The following DPYD variants were observed in gnomAD, a reference collection of about 807,000 sequenced individuals.
DPYD encodes dihydropyrimidine dehydrogenase [NADP(+)].
In DPYD, 109 loss-of-function variants were observed where a neutral mutation model predicts 116.2. The observed-to-expected ratio is 0.94, with a 90% CI of 0.80 to 1.10. The LOEUF is 1.10. Ranked by LOEUF, DPYD falls within the 50% of genes least tolerant of loss-of-function variation. The probability of loss-of-function intolerance (pLI) is 0.00; values close to 1 mark genes in which losing one functional copy is unlikely to be tolerated. For missense variants in DPYD, 1,302 were observed against 1,254.5 expected (o/e 1.04, Z -0.57); for synonymous variants, 440 against 432.0 (o/e 1.02, Z -0.23).
intron 7 of DPYD, among the ~76,000 whole-genome samples, chr1:97,683,318 C>T (rs2100927647): frequency 6.6e-6 from 1 of 151,920 alleles, no homozygotes; most frequent in East Asian, 1.9e-4. Flanking sequence ...TTTTCTAATA[C>T]TATCTCATAA....
At chr1:97,768,410 A>G (rs1238730878) in intron 3 of DPYD, among the ~76,000 whole-genome samples, 15 of 152,170 alleles carry the variant, frequency 9.9e-5, no homozygotes, top group Admixed American at 6.5e-4. Flanking sequence ...ACTTTTTTGC[A>G]AGCATTGCCC....
In DPYD at chr1:97,316,857, C is replaced by T. The variant is rs138681274; in HGVS notation, c.2059-10560G>A. Among the ~76,000 whole-genome samples the T allele has an allele frequency of 1.6e-3, 246 of 151,970 alleles. 1 individual carries two copies. The highest frequency in any genetic ancestry group is 5.4e-3 in the African/African-American group (225 of 41,502). On this transcript the variant is annotated intron_variant, in intron 16 of 22. Transcript: ENST00000370192. ...GACTTGTCTGTCACTTAGGGGCAGC[C>T]ATTCCTTTCTGCCTTATAATGTTTT...
At chr1:97,660,965 G>T (rs1659220742) in intron 8 of DPYD, among the ~76,000 whole-genome samples, 1 of 151,814 alleles carries the variant, frequency 6.6e-6, no homozygotes, top group African/African-American at 2.4e-5. Flanking sequence ...TTCTATATTA[G>T]GAAAACAAAA....
At chr1:97,770,841 A>C (rs1256071375) in intron 3 of DPYD, among the ~76,000 whole-genome samples, 1 of 152,202 alleles carries the variant, frequency 6.6e-6, no homozygotes, top group Non-Finnish European at 1.5e-5. Flanking sequence ...ATATGTGCAC[A>C]CATATACACA....
chr1:97,883,948 G>C, intron 1 of DPYD: 1 of 405,008 alleles, frequency 2.5e-6, no homozygotes, highest in South Asian at 2.0e-5. Flanking sequence ...AGTTCAGTAT[G>C]GGAAAATCCT....
At chr1:97,686,101 CA>C (rs1425735812) in intron 7 of DPYD, among the ~76,000 whole-genome samples, 1 of 152,036 alleles carries the variant, frequency 6.6e-6, no homozygotes, top group African/African-American at 2.4e-5. Context: ...CTGCAGTAAC[CA>C]AAACAGCATG....
chr1:97,571,073 G>T (rs1652862121), intron 11 of DPYD, among the ~76,000 whole-genome samples: 1 of 151,994 alleles, frequency 6.6e-6, no homozygotes, highest in Non-Finnish European at 1.5e-5. Context: ...CTTGAGGAAT[G>T]AATGCACGTA....
intron 10 of DPYD, 84 bp from the exon 11 acceptor site, chr1:97,574,054 T>C: frequency 1.3e-6 from 2 of 1,560,346 alleles, no homozygotes; most frequent in Non-Finnish European, 1.7e-6. Context: ...TTACACATGC[T>C]AAAGCTTATG....
intron 16 of DPYD, among the ~76,000 whole-genome samples, chr1:97,344,566 TTTACA>T (rs1170693558): frequency 1.3e-5 from 2 of 151,390 alleles, no homozygotes; most frequent in African/African-American, 4.8e-5. Flanking sequence ...TTTTTTTCTC[TTTACA>T]TTATATATAA....
At chr1:97,704,792 GA>G (rs1661825394) in intron 5 of DPYD, among the ~76,000 whole-genome samples, 2 of 151,798 alleles carry the variant, frequency 1.3e-5, no homozygotes, top group African/African-American at 4.8e-5. Flanking sequence ...TCCATCAACT[GA>G]CTAATATTCT....
intron 11 of DPYD, among the ~76,000 whole-genome samples, chr1:97,570,651 T>C (rs1303568085): frequency 6.6e-6 from 1 of 152,094 alleles, no homozygotes; most frequent in East Asian, 1.9e-4. Flanking sequence ...GGAGTACTAA[T>C]GGTACCATTT....
intron 12 of DPYD, among the ~76,000 whole-genome samples, chr1:97,542,348 A>C (rs1650508133): frequency 6.6e-6 from 1 of 152,188 alleles, no homozygotes; most frequent in Non-Finnish European, 1.5e-5. Flanking sequence ...TCTGTATAGA[A>C]GCAGAACAAC....
intron 2 of DPYD, among the ~76,000 whole-genome samples, chr1:97,850,957 T>C (rs1436566484): frequency 6.6e-6 from 1 of 152,014 alleles, no homozygotes; most frequent in Non-Finnish European, 1.5e-5. Context: ...AAAAAATGAA[T>C]TGTCCTCTGG....
rs1411641778 is a variant in DPYD at position 97,473,981 on chromosome 1, A to C, written c.1741-23758T>G. Among the ~76,000 whole-genome samples, 29 of 149,536 alleles carry C rather than the reference A, an allele frequency of 1.9e-4. No individual in the cohort carries two copies. In the Admixed American group the frequency reaches 2.0e-3, roughly 10 times the overall value. ...GAGCCATGATCATGCCACTCACTGC[A>C]CTCCTGCCTGGGCAACAGAGTGAGA... On this transcript the variant is annotated intron_variant, in intron 13 of 22. Coordinates refer to ENST00000370192, the MANE Select transcript of DPYD (RefSeq NM_000110.4).
chr1:97,401,808 G>A (rs1464584588), intron 14 of DPYD, among the ~76,000 whole-genome samples: 1 of 152,054 alleles, frequency 6.6e-6, no homozygotes, highest in African/African-American at 2.4e-5. Flanking sequence ...GTTAATTTTG[G>A]TGAAGGGTGT....
rs575378600 is a variant in DPYD, at chr1:97,253,107, A to G, written c.2300-18113T>C. Among the ~76,000 whole-genome samples, 24 of 152,310 alleles carry G rather than the reference A, an allele frequency of 1.6e-4. 1 individual carries two copies. In the South Asian group the frequency reaches 4.8e-3, roughly 30 times the overall value. ...TTGCCAAAAAACGGGCTATCACTCT[A>G]AAGGCTGTAGGCAAACAAAATACTA... On this transcript the variant is annotated intron_variant, in intron 18 of 22. Transcript: ENST00000370192.
chr1:97,256,039 C>T (rs149003564), intron 18 of DPYD, among the ~76,000 whole-genome samples: 2 of 152,152 alleles, frequency 1.3e-5, no homozygotes, highest in Non-Finnish European at 2.9e-5. Context: ...TGACTGATGA[C>T]TGATGATAGT....
rs59336649 is a variant in DPYD at position 97,893,429 on chromosome 1, C to CATATATATATATATAT, written c.40-10071_40-10056dup. On this transcript the variant is annotated intron_variant, in intron 1 of 22. Coordinates refer to ENST00000370192, the MANE Select transcript of DPYD (RefSeq NM_000110.4). ...CAAAAACAGATTTTAATATCCATCG[C>CATATATATATATATAT]ATATATATATATATATATATATATA... 2.0e-3 allele frequency among the ~76,000 whole-genome samples: 144 copies of CATATATATATATATAT among 71,878 alleles called. 2 individuals are homozygous for CATATATATATATATAT. Among genetic ancestry groups the CATATATATATATATAT allele is most frequent in the African/African-American group, 3.9e-3 (68 of 17,490 alleles). The allele number at this position is 71,878 out of a possible 152,430, so 47.2% of individuals were successfully genotyped here. A position where few individuals can be genotyped will look rare whatever the true frequency, so the allele number is the denominator to read the frequency against.
Position 97,082,433 on chromosome 1 carries a change from A to C in DPYD, c.2804T>G (p.Phe935Cys). 1 of 1,613,654 alleles carries C rather than the reference A, an allele frequency of 6.2e-7. No individual in the cohort carries two copies. The highest frequency in any genetic ancestry group is 8.5e-7 in the Non-Finnish European group (1 of 1,179,650). The change falls in exon 22 of 23, where the codon TTT becomes TGT. Residue 935 changes from phenylalanine (F) to cysteine (C), a missense_variant. Transcript: ENST00000370192. ...IGKALQYLGT[F>C]GELSNVEQVV... Reference sequence around the variant, plus strand: ...TTGCTCTACGTTGCTCAATTCACCAAATGTTCCAAGGTACTGCAGTGCTTT... The same window carrying C: ...TTGCTCTACGTTGCTCAATTCACCACATGTTCCAAGGTACTGCAGTGCTTT...
Sources: allele counts gnomAD v4.1 joint callset (sites outside exome capture counted in the v4.1 genomes callset), GRCh38; gene constraint gnomAD v4.1.1; transcripts MANE v1.5; gene names NCBI Gene and HGNC (gene_info 2026-07-23, HGNC 2026-07-21).